MYPN: variants seen among roughly 807,000 people sequenced by gnomAD.
The protein encoded by MYPN is myopalladin.
Under a neutral mutation model 129.4 loss-of-function variants are expected in MYPN, and 63 were observed. The observed-to-expected ratio is 0.49, with a 90% CI of 0.40 to 0.60. The LOEUF (loss-of-function observed/expected upper bound fraction) is 0.60, where lower values mean the gene tolerates loss of function less well. Among genes scored for constraint, MYPN ranks in the 20% least tolerant of loss-of-function variants. The probability of loss-of-function intolerance (pLI) is 0.00; values close to 1 mark genes in which losing one functional copy is unlikely to be tolerated. For missense variants in MYPN, 1,596 were observed against 1,635.4 expected (o/e 0.98, Z 0.42); for synonymous variants, 629 against 600.9 (o/e 1.05, Z -0.68).
At chr10:68,125,521 G>T (rs2042313201) in intron 2 of MYPN, among the ~76,000 whole-genome samples, 1 of 152,186 alleles carries the variant, frequency 6.6e-6, no homozygotes, top group South Asian at 2.1e-4. Context: ...TATTTATTTA[G>T]TTAGTTTTTA....
Position 68,121,833 on chromosome 10 carries a change from C to A in MYPN, c.395C>A (p.Pro132His). 6.2e-7 allele frequency: 1 copy of A among 1,614,090 alleles called. No individual in the cohort carries two copies. Among genetic ancestry groups the A allele is most frequent in the African/African-American group, 1.3e-5 (1 of 74,996 alleles). The change falls in exon 2 of 20, where the codon CCC becomes CAC. Residue 132 changes from proline to histidine, a missense_variant. Pro to His is a moderately conservative substitution (Grantham distance 77). Coordinates refer to ENST00000358913, the MANE Select transcript of MYPN (RefSeq NM_032578.4). Reference sequence around the variant, plus strand: ...AGTCCCACCAGCTCTAAAGAAAGCCCCCAGGAGGCAAAAAGGCCACAGTAT... The same window carrying A: ...AGTCCCACCAGCTCTAAAGAAAGCCACCAGGAGGCAAAAAGGCCACAGTAT... Reference protein sequence around the residue: ...PRSPTSSKESPQEAKRPQYCS... With the variant: ...PRSPTSSKESHQEAKRPQYCS...
intron 18 of MYPN, among the ~76,000 whole-genome samples, chr10:68,202,650 C>T (rs1045744123): frequency 6.6e-6 from 1 of 152,140 alleles, no homozygotes; most frequent in Non-Finnish European, 1.5e-5. Context: ...GGGTACGTTG[C>T]TTAATCTTCC....
chr10:68,159,161 G>A (rs2042932765), intron 7 of MYPN, among the ~76,000 whole-genome samples: 1 of 152,132 alleles, frequency 6.6e-6, no homozygotes, highest in African/African-American at 2.4e-5. Flanking sequence ...ACTAAATTTA[G>A]GATGGTCACA....
intron 12 of MYPN, among the ~76,000 whole-genome samples, chr10:68,182,552 G>A (rs541490717): frequency 4.7e-4 from 71 of 149,778 alleles, no homozygotes; most frequent in Non-Finnish European, 8.6e-4. Context: ...TGTCGCCCAG[G>A]CTGGAGTGCA....
chr10:68,189,892 G>A (rs949099019), intron 13 of MYPN, among the ~76,000 whole-genome samples: 2 of 152,258 alleles, frequency 1.3e-5, no homozygotes, highest in East Asian at 1.9e-4. Flanking sequence ...CCAGCAGTGG[G>A]ATTGCTGGAT....
At chr10:68,182,320 T>A (rs1589596036) in intron 12 of MYPN, among the ~76,000 whole-genome samples, 2 of 62,668 alleles carry the variant, frequency 3.2e-5, no homozygotes, top group East Asian at 6.2e-4. Flanking sequence ...CACATATATA[T>A]AACATATATA....
intron 9 of MYPN, 36 bp from the exon 10 acceptor site, chr10:68,166,258 T>C (rs199715053): frequency 2.6e-4 from 416 of 1,613,676 alleles, no homozygotes; most frequent in Non-Finnish European, 3.2e-4. Flanking sequence ...AGGCTTACAG[T>C]GGCTGACAGC....
chr10:68,169,826 G>C lies in MYPN; in HGVS notation c.1973+3160G>C, dbSNP rs535724034. Reference sequence around the variant, plus strand: ...GTGATCTCAGCTCACTGCAACTTCTGCCTTCCGGGTTCAAGCAATCCTCCT... The same window carrying C: ...GTGATCTCAGCTCACTGCAACTTCTCCCTTCCGGGTTCAAGCAATCCTCCT... On this transcript the variant is annotated intron_variant, in intron 10 of 19. Coordinates refer to ENST00000358913, the MANE Select transcript of MYPN (RefSeq NM_032578.4). Among the ~76,000 whole-genome samples the C allele has an allele frequency of 2.3e-3, 356 of 151,572 alleles. 4 individuals carry two copies. The highest frequency in any genetic ancestry group is 8.3e-3 in the African/African-American group (343 of 41,328).
chr10:68,170,606 T>C (rs1198394150), intron 10 of MYPN, among the ~76,000 whole-genome samples: 2 of 152,218 alleles, frequency 1.3e-5, no homozygotes, highest in South Asian at 2.1e-4. Context: ...ATAGAGATAA[T>C]GTAGATCTTA....
intron 12 of MYPN, among the ~76,000 whole-genome samples, chr10:68,180,818 A>G (rs933749292): frequency 3.3e-5 from 5 of 152,202 alleles, no homozygotes; most frequent in African/African-American, 1.2e-4. Flanking sequence ...TGTCTCCACC[A>G]ATTGGAAGGA....
intron 4 of MYPN, among the ~76,000 whole-genome samples, chr10:68,145,763 G>A (rs895837568): frequency 2.6e-5 from 4 of 152,186 alleles, no homozygotes; most frequent in Non-Finnish European, 5.9e-5. Flanking sequence ...TCCCTACAGA[G>A]GATGAGCTCC....
intron 2 of MYPN, chr10:68,136,601 CCTGCTGAG>C (rs2042491134): frequency 1.1e-5 from 16 of 1,506,668 alleles, no homozygotes; most frequent in South Asian, 1.0e-4. Flanking sequence ...TTTTTTTAGG[CCTGCTGAG>C]GCCATCCTGG....
At chr10:68,139,623 G>T (rs2042542877) in intron 2 of MYPN, among the ~76,000 whole-genome samples, 4 of 152,136 alleles carry the variant, frequency 2.6e-5, no homozygotes, top group Admixed American at 2.6e-4. Flanking sequence ...AGCTCCTTGT[G>T]GTCTTGGTAG....
chr10:68,145,321 G>A (rs966582815), intron 3 of MYPN, among the ~76,000 whole-genome samples, 154 bp from the exon 4 acceptor site: 1 of 152,052 alleles, frequency 6.6e-6, no homozygotes, highest in African/African-American at 2.4e-5. Context: ...ACCACGCCCG[G>A]CGTTACTGAG....
chr10:68,142,822 T>C, intron 2 of MYPN, 118 bp from the exon 3 acceptor site: 1 of 995,320 alleles, frequency 1.0e-6, no homozygotes, highest in South Asian at 1.3e-5. Context: ...AATGATGGAG[T>C]TTTTTGTTGT....
chr10:68,189,179 G>C, intron 13 of MYPN, 53 bp downstream of exon 13: 1 of 1,304,988 alleles, frequency 7.7e-7, no homozygotes, highest in Non-Finnish European at 1.1e-6. Flanking sequence ...GCTATAGACA[G>C]TGCCTTCAAG....
rs748778010 is a variant in MYPN at position 68,121,448 on chromosome 10, G to A, written c.10G>A (p.Asp4Asn). MQD[D>N]SIEASTSISQ... ...ATTATTTTGTGACAGCATGCAAGACGACAGCATAGAAGCTTCTACTTCCAT... is the reference window on the plus strand; with the variant it reads ...ATTATTTTGTGACAGCATGCAAGACAACAGCATAGAAGCTTCTACTTCCAT... Residue 4 changes from aspartate to asparagine, a missense_variant, in exon 2 of 20, where the codon GAC (aspartate) becomes AAC (asparagine). Physicochemically the swap from Asp to Asn is conservative, Grantham distance 23 (BLOSUM62 1). Transcript: ENST00000358913. 1.9e-6 allele frequency: 3 copies of A among 1,610,260 alleles called. No homozygotes were observed. The highest frequency in any genetic ancestry group is 2.5e-6 in the Non-Finnish European group (3 of 1,178,568).
intron 6 of MYPN, among the ~76,000 whole-genome samples, chr10:68,154,073 A>G (rs1239583990): frequency 6.6e-6 from 1 of 152,150 alleles, no homozygotes; most frequent in Non-Finnish European, 1.5e-5. Flanking sequence ...TTGAGAGAGG[A>G]CTGTGGGATT....
intron 11 of MYPN, 105 bp downstream of exon 11, chr10:68,174,761 T>A: frequency 9.4e-7 from 1 of 1,060,430 alleles, no homozygotes; most frequent in Non-Finnish European, 1.4e-6. Flanking sequence ...GATTCCTAGA[T>A]AATCTTATTC....
Sources: allele counts gnomAD v4.1 joint callset (sites outside exome capture counted in the v4.1 genomes callset), GRCh38; gene constraint gnomAD v4.1.1; transcripts MANE v1.5; gene names NCBI Gene and HGNC (gene_info 2026-07-23, HGNC 2026-07-21).